The following RRAGB variants were observed in gnomAD, a reference collection of about 807,000 sequenced individuals.
RRAGB encodes ras-related GTP-binding protein B.
A neutral mutation model predicts 29.3 loss-of-function variants in RRAGB; 6 were observed. The ratio of observed to expected loss-of-function variants is 0.21; its 90% CI spans 0.11 to 0.40. The LOEUF is 0.40. Among genes scored for constraint, RRAGB ranks in the 10% least tolerant of loss-of-function variants. The probability of loss-of-function intolerance (pLI) is 1.00; values close to 1 mark genes in which losing one functional copy is unlikely to be tolerated. For synonymous variants in RRAGB, 101 were observed against 92.5 expected (o/e 1.09, Z -0.53); for missense variants, 184 against 272.9 (o/e 0.67, Z 2.29).
intron 5 of RRAGB, among the ~76,000 whole-genome samples, chrX:55,745,284 C>G (rs144127209): frequency 8.9e-6 from 1 of 112,555 alleles, no homozygotes; most frequent in African/African-American, 3.2e-5. Context: ...TGACATAGGA[C>G]TAGAGAGCTG....
Position 55,758,494 on chromosome X carries a change from C to G in RRAGB, c.*151C>G. 2.7e-6 allele frequency: 1 copy of G among 367,369 alleles called. No homozygotes were observed. Among genetic ancestry groups the G allele is most frequent in the Non-Finnish European group, 4.7e-6 (1 of 211,925 alleles). 30.3% of individuals were successfully genotyped at this position (367,369 alleles called of 1,213,427 possible). ...AATGTTTAACCTTGAATGCTATTAA[C>G]TTAAATAGCCATTGAGGAGTTAGAA... is the stretch of plus-strand genomic sequence containing the variant. On this transcript the variant is annotated 3_prime_UTR_variant, in exon 10 of 10. Transcript: ENST00000374941.
intron 5 of RRAGB, among the ~76,000 whole-genome samples, chrX:55,733,821 A>C: frequency 9.0e-6 from 1 of 111,322 alleles, no homozygotes; most frequent in Admixed American, 9.5e-5. Context: ...TTGTAGAATG[A>C]GTTAAGGAGG....
At chrX:55,735,985 C>T (rs991841741) in intron 5 of RRAGB, among the ~76,000 whole-genome samples, 14 of 112,405 alleles carry the variant, frequency 1.2e-4, no homozygotes, top group African/African-American at 4.5e-4. Flanking sequence ...TGCTATTAGT[C>T]TGATAGGTTT....
chrX:55,753,605 A>G, intron 7 of RRAGB, 91 bp downstream of exon 7: 1 of 906,699 alleles, frequency 1.1e-6, no homozygotes, highest in Non-Finnish European at 1.5e-6. Context: ...TTCAGGAAGA[A>G]CCTTTTTCCC....
intron 3 of RRAGB, among the ~76,000 whole-genome samples, chrX:55,724,797 AAAG>A (rs923549041): frequency 8.9e-6 from 1 of 111,940 alleles, no homozygotes; most frequent in Admixed American, 9.5e-5. Context: ...TATAGAGAAT[AAAG>A]AAGGAGGTAC....
At chrX:55,723,539 G>A (rs1043084019) in intron 3 of RRAGB, among the ~76,000 whole-genome samples, 3 of 108,217 alleles carry the variant, frequency 2.8e-5, no homozygotes, top group Admixed American at 9.9e-5. Context: ...TTGTCCTAGC[G>A]ATCTCTTGCC....
At chrX:55,752,427 C>G in intron 6 of RRAGB, 5 of 674,119 alleles carry the variant, frequency 7.4e-6, no homozygotes, top group Non-Finnish European at 8.8e-6. Flanking sequence ...ACATTAACAC[C>G]GACCTGGGAA....
intron 5 of RRAGB, among the ~76,000 whole-genome samples, chrX:55,737,830 C>T (rs1001976006): frequency 1.8e-5 from 2 of 112,790 alleles, no homozygotes; most frequent in Non-Finnish European, 3.8e-5. Context: ...TTGAAGGTCC[C>T]TGAGCAAAAC....
chrX:55,731,275 T>C, intron 4 of RRAGB, 89 bp from the exon 5 acceptor site: 2 of 666,055 alleles, frequency 3.0e-6, no homozygotes, highest in Non-Finnish European at 4.5e-6. Context: ...AAGATTATCT[T>C]TCACATTGAT....
intron 2 of RRAGB, 75 bp from the exon 3 acceptor site, chrX:55,722,111 A>G: frequency 1.8e-6 from 1 of 560,425 alleles, no homozygotes; most frequent in East Asian, 3.3e-5. Context: ...TCCAGGAGAG[A>G]AATAGATCCC....
At chrX:55,737,314 CTT>C (rs1421674391) in intron 5 of RRAGB, among the ~76,000 whole-genome samples, 1 of 112,559 alleles carries the variant, frequency 8.9e-6, no homozygotes, top group African/African-American at 3.2e-5. Flanking sequence ...GGGGTTGTGA[CTT>C]TACTTCTTGT....
intron 7 of RRAGB, among the ~76,000 whole-genome samples, chrX:55,754,581 A>T (rs2034610755): frequency 8.9e-6 from 1 of 112,177 alleles, no homozygotes; most frequent in African/African-American, 3.2e-5. Flanking sequence ...AAATATCTAT[A>T]TCATAGATTT....
At chrX:55,722,570 G>A (rs954451077) in intron 3 of RRAGB, among the ~76,000 whole-genome samples, 2 of 111,703 alleles carry the variant, frequency 1.8e-5, no homozygotes, top group Non-Finnish European at 3.8e-5. Context: ...TTGTTTGTTC[G>A]TCTTGTGGGG....
At chrX:55,729,272 A>G in intron 3 of RRAGB, 22 bp from the exon 4 acceptor site, 2 of 1,095,325 alleles carry the variant, frequency 1.8e-6, no homozygotes, top group Non-Finnish European at 1.3e-6. Flanking sequence ...TAATTACTAG[A>G]TTTGTCATAT....
At chrX:55,726,496 G>T (rs1189201736) in intron 3 of RRAGB, among the ~76,000 whole-genome samples, 1 of 111,779 alleles carries the variant, frequency 8.9e-6, no homozygotes, top group African/African-American at 3.3e-5. Flanking sequence ...AAACAGGTTG[G>T]TAAGTTAGGA....
chrX:55,744,250 G>A (rs1159298509), intron 5 of RRAGB, among the ~76,000 whole-genome samples: 2 of 108,023 alleles, frequency 1.9e-5, no homozygotes, highest in African/African-American at 3.4e-5. Flanking sequence ...TTAGTCAGGC[G>A]TGGTGGTGTG....
In RRAGB at chrX:55,728,454, G is replaced by A. The variant is rs767332240; in HGVS notation, c.227-840G>A. Among the ~76,000 whole-genome samples, 3 of 111,267 alleles carry A rather than the reference G, an allele frequency of 2.7e-5. No individual in the cohort carries two copies. In the South Asian group the frequency reaches 1.1e-3, roughly 42 times the overall value. On this transcript the variant is annotated intron_variant, in intron 3 of 9. Coordinates refer to ENST00000374941, the MANE Select transcript of RRAGB (RefSeq NM_006064.5). Reference sequence around the variant, plus strand: ...GGAGGCAGTGGGGTTTGGGAGGACTGTGAATAAACCAAATTGGGCTGGAGT... The same window carrying A: ...GGAGGCAGTGGGGTTTGGGAGGACTATGAATAAACCAAATTGGGCTGGAGT...
At chrX:55,750,810 G>A (rs1391870278) in intron 5 of RRAGB, among the ~76,000 whole-genome samples, 1 of 111,927 alleles carries the variant, frequency 8.9e-6, no homozygotes, top group Non-Finnish European at 1.9e-5. Flanking sequence ...GCTTTGGAGT[G>A]TTTGATGTAT....
chrX:55,738,416 C>T (rs1724309559), intron 5 of RRAGB, among the ~76,000 whole-genome samples: 1 of 112,115 alleles, frequency 8.9e-6, no homozygotes, highest in Non-Finnish European at 1.9e-5. Context: ...CCTCTGGTCT[C>T]CCAGCAGGTG....
Sources: gnomAD v4.1 joint callset for allele counts (sites outside exome capture counted in the v4.1 genomes callset) on GRCh38, gnomAD v4.1.1 for gene constraint, MANE v1.5 for transcripts, NCBI Gene and HGNC (gene_info 2026-07-23, HGNC 2026-07-21) for gene names.